SYT9: variants seen among roughly 807,000 people sequenced by gnomAD.
SYT9 encodes the protein synaptotagmin-9.
SYT9 carries 22 observed loss-of-function variants against 48.4 expected under a neutral mutation model. The observed-to-expected ratio is 0.45, with a 90% CI of 0.32 to 0.65. The LOEUF is 0.65. Ranked by LOEUF, SYT9 falls within the 30% of genes least tolerant of loss-of-function variation. SYT9 has a pLI of 0.03. For synonymous variants in SYT9, 265 were observed against 245.0 expected (o/e 1.08, Z -0.76); for missense variants, 577 against 622.0 (o/e 0.93, Z 0.77).
chr11:7,364,986 G>T (rs1181603472), intron 3 of SYT9, among the ~76,000 whole-genome samples: 2 of 152,116 alleles, frequency 1.3e-5, no homozygotes, highest in Non-Finnish European at 2.9e-5. Flanking sequence ...TTTATGGATT[G>T]CTAGGGGTCT....
intron 5 of SYT9, among the ~76,000 whole-genome samples, chr11:7,418,961 C>T (rs1847301069): frequency 6.6e-6 from 1 of 152,190 alleles, no homozygotes; most frequent in South Asian, 2.1e-4. Context: ...AAGAATTTTC[C>T]CACATACCTC....
At chr11:7,287,430 A>G (rs184066796) in intron 1 of SYT9, among the ~76,000 whole-genome samples, 44 of 152,314 alleles carry the variant, frequency 2.9e-4, no homozygotes, top group African/African-American at 9.9e-4. Flanking sequence ...CAATGCCCAT[A>G]TTAAATTAGT....
At chr11:7,304,727 C>T (rs1321354827) in intron 2 of SYT9, among the ~76,000 whole-genome samples, 1 of 152,184 alleles carries the variant, frequency 6.6e-6, no homozygotes, top group Admixed American at 6.5e-5. Context: ...TAGAAGAAAT[C>T]CTCAGATTTT....
chr11:7,299,464 T>C (rs1214081095), intron 1 of SYT9, among the ~76,000 whole-genome samples: 1 of 152,174 alleles, frequency 6.6e-6, no homozygotes, highest in East Asian at 1.9e-4. Context: ...GGACCACTGC[T>C]AACTCACACA....
chr11:7,281,963 G>A (rs1199843613), intron 1 of SYT9, among the ~76,000 whole-genome samples: 1 of 152,164 alleles, frequency 6.6e-6, no homozygotes, highest in Non-Finnish European at 1.5e-5. Context: ...ACTGACCTTT[G>A]TAATTATGAC....
At chr11:7,244,623 C>T (rs1037143094) in intron 1 of SYT9, among the ~76,000 whole-genome samples, 1 of 152,140 alleles carries the variant, frequency 6.6e-6, no homozygotes, top group Non-Finnish European at 1.5e-5. Flanking sequence ...GAGTGCTAAT[C>T]ACTAGGAGGT....
At chr11:7,352,868 T>G (rs1480642417) in intron 3 of SYT9, among the ~76,000 whole-genome samples, 1 of 152,152 alleles carries the variant, frequency 6.6e-6, no homozygotes, top group African/African-American at 2.4e-5. Flanking sequence ...ATCTTAAAAG[T>G]GGGGTGTGAG....
At chr11:7,381,161 A>AG (rs1046463339) in intron 3 of SYT9, among the ~76,000 whole-genome samples, 35 of 152,280 alleles carry the variant, frequency 2.3e-4, no homozygotes, top group African/African-American at 8.2e-4. Flanking sequence ...ATCATCCATA[A>AG]GGGTATCAGG....
intron 6 of SYT9, among the ~76,000 whole-genome samples, chr11:7,444,851 G>A (rs1230613602): frequency 6.6e-6 from 1 of 152,196 alleles, no homozygotes; most frequent in Admixed American, 6.5e-5. Flanking sequence ...TCAGTGGCTG[G>A]AGACAGACAA....
At chr11:7,273,314 A>G (rs1385068246) in intron 1 of SYT9, among the ~76,000 whole-genome samples, 2 of 115,996 alleles carry the variant, frequency 1.7e-5, no homozygotes, top group African/African-American at 3.2e-5. Context: ...TCATTATTCT[A>G]TACTGAGGTT....
intron 3 of SYT9, among the ~76,000 whole-genome samples, chr11:7,327,987 G>A (rs1285602956): frequency 8.0e-6 from 1 of 125,006 alleles, no homozygotes; most frequent in African/African-American, 3.0e-5. Flanking sequence ...ACGAGTTAGT[G>A]GGTGCAGCGC....
intron 1 of SYT9, among the ~76,000 whole-genome samples, chr11:7,239,770 G>A (rs946221035): frequency 6.6e-6 from 1 of 152,092 alleles, no homozygotes. Flanking sequence ...GATTAGGAGG[G>A]AGAAGGGAAA....
At chr11:7,452,118 A>AACACACAC (rs142000557) in intron 6 of SYT9, among the ~76,000 whole-genome samples, 11,065 of 147,544 alleles carry the variant, frequency 0.075, 465 homozygotes, top group Middle Eastern at 0.099. Context: ...TTATATTTAA[A>AACACACAC]ACACACACAC....
chr11:7,243,433 G>A (rs547715309), intron 1 of SYT9, among the ~76,000 whole-genome samples: 2 of 152,294 alleles, frequency 1.3e-5, no homozygotes, highest in East Asian at 3.9e-4. Flanking sequence ...TCTGAATAAG[G>A]CCAGAGGCAA....
intron 1 of SYT9, among the ~76,000 whole-genome samples, chr11:7,297,081 T>TGA (rs1251698728): frequency 1.2e-3 from 139 of 117,780 alleles, no homozygotes; most frequent in Admixed American, 2.9e-3. Flanking sequence ...TGTGTGTGTG[T>TGA]GTGTGAGAGA....
At chr11:7,281,993 G>A (rs6578841) in intron 1 of SYT9, among the ~76,000 whole-genome samples, 129,976 of 152,122 alleles carry the variant, frequency 0.85, 55,746 homozygotes, top group South Asian at 0.91. Flanking sequence ...ACTTAAACAG[G>A]ACTTTGCTTG....
intron 6 of SYT9, among the ~76,000 whole-genome samples, chr11:7,429,607 T>G (rs1296055142): frequency 1.3e-5 from 2 of 152,272 alleles, no homozygotes; most frequent in East Asian, 3.9e-4. Context: ...AACATCTTAT[T>G]TAGGATACAG....
At chr11:7,409,324 G>A (rs886839834) in intron 3 of SYT9, among the ~76,000 whole-genome samples, 14 of 151,998 alleles carry the variant, frequency 9.2e-5, no homozygotes, top group African/African-American at 3.1e-4. Flanking sequence ...GAGGATTTAT[G>A]TAGTTTTCTT....
At chr11:7,368,944 T>C (rs548582005) in intron 3 of SYT9, among the ~76,000 whole-genome samples, 5 of 152,268 alleles carry the variant, frequency 3.3e-5, no homozygotes, top group Admixed American at 6.5e-5. Flanking sequence ...AACAAACATA[T>C]GTGTGCATGT....
Sources: gnomAD v4.1 joint callset for allele counts (sites outside exome capture counted in the v4.1 genomes callset) on GRCh38, gnomAD v4.1.1 for gene constraint, MANE v1.5 for transcripts, NCBI Gene and HGNC (gene_info 2026-07-23, HGNC 2026-07-21) for gene names.